Variants in KLHL29 observed in about 807,000 individuals in gnomAD.
KLHL29 encodes the protein kelch-like protein 29.
A neutral mutation model predicts 80.4 loss-of-function variants in KLHL29; 21 were observed. The observed-to-expected ratio is 0.26, with a 90% CI of 0.19 to 0.38. The LOEUF is 0.38. Among genes scored for constraint, KLHL29 ranks in the 10% least tolerant of loss-of-function variants. The pLI is 1.00. For synonymous variants in KLHL29, 511 were observed against 526.8 expected (o/e 0.97, Z 0.41); for missense variants, 867 against 1,223.9 (o/e 0.71, Z 4.35).
chr2:23,602,417 C>G (rs919219117), intron 3 of KLHL29, among the ~76,000 whole-genome samples: 1 of 152,148 alleles, frequency 6.6e-6, no homozygotes, highest in South Asian at 2.1e-4. Context: ...GCCCCAAAGG[C>G]TGGCTCTGAG....
At chr2:23,607,699 T>C (rs1011439096) in intron 3 of KLHL29, among the ~76,000 whole-genome samples, 6 of 152,144 alleles carry the variant, frequency 3.9e-5, no homozygotes, top group Non-Finnish European at 8.8e-5. Context: ...TAGATTCTCA[T>C]AGGACCGTGA....
At chr2:23,615,036 C>T (rs1315511006) in intron 3 of KLHL29, among the ~76,000 whole-genome samples, 1 of 152,208 alleles carries the variant, frequency 6.6e-6, no homozygotes, top group African/African-American at 2.4e-5. Flanking sequence ...GTCTGCTTAG[C>T]CCTCTCCCTA....
At chr2:23,615,559 A>G (rs1668983389) in intron 3 of KLHL29, among the ~76,000 whole-genome samples, 1 of 152,048 alleles carries the variant, frequency 6.6e-6, no homozygotes, top group Non-Finnish European at 1.5e-5. Flanking sequence ...ACTGCCTCTC[A>G]CGGTGGACCT....
At chr2:23,629,116 G>A (rs1227557497) in intron 3 of KLHL29, among the ~76,000 whole-genome samples, 1 of 152,226 alleles carries the variant, frequency 6.6e-6, no homozygotes, top group Non-Finnish European at 1.5e-5. Flanking sequence ...TACAAGGAAC[G>A]CGGCTGTTGG....
rs577957770 is a variant in KLHL29, at chr2:23,386,295, G to A, written c.-154+515G>A. Among the ~76,000 whole-genome samples the A allele has an allele frequency of 3.3e-4, 50 of 152,290 alleles. 1 individual carries two copies. The highest frequency in any genetic ancestry group is 3.4e-4 in the Non-Finnish European group (23 of 68,024). On this transcript the variant is annotated intron_variant, in intron 1 of 13. Transcript: ENST00000486442. ...GCGAGAAGCCAGGTTGGGGTTTTCT[G>A]CCCCTCGCGTCCTCTGATCTCGCAT...
chr2:23,656,195 C>T (rs960319091), intron 5 of KLHL29, among the ~76,000 whole-genome samples: 11 of 152,178 alleles, frequency 7.2e-5, no homozygotes, highest in African/African-American at 2.2e-4. Flanking sequence ...ATTTTGGGGC[C>T]GGAAAAGAAT....
intron 6 of KLHL29, chr2:23,690,544 C>T (rs558491531): frequency 3.9e-5 from 6 of 152,398 alleles, no homozygotes; most frequent in Admixed American, 2.6e-4. Flanking sequence ...TCCTGAGAAG[C>T]GAGTGAGTGG....
chr2:23,473,900 G>C (rs2103437037), intron 1 of KLHL29, among the ~76,000 whole-genome samples: 1 of 152,148 alleles, frequency 6.6e-6, no homozygotes, highest in African/African-American at 2.4e-5. Flanking sequence ...CTCACTGGCT[G>C]TTCCCTCTGC....
At chr2:23,549,011 A>G (rs1342816084) in intron 2 of KLHL29, among the ~76,000 whole-genome samples, 4 of 152,154 alleles carry the variant, frequency 2.6e-5, no homozygotes, top group African/African-American at 9.7e-5. Flanking sequence ...GCTGGGAGAG[A>G]GTCCAACAAG....
intron 5 of KLHL29, chr2:23,644,302 C>T (rs547065931): frequency 4.0e-5 from 6 of 151,838 alleles, no homozygotes; most frequent in Non-Finnish European, 7.4e-5. Context: ...AAGAAACTTA[C>T]TCCCAGTTCA....
At chr2:23,440,979 G>A (rs1376140607) in intron 1 of KLHL29, among the ~76,000 whole-genome samples, 2 of 152,170 alleles carry the variant, frequency 1.3e-5, no homozygotes, top group Admixed American at 6.5e-5. Context: ...CCATTACTGG[G>A]TATATACCCA....
intron 5 of KLHL29, among the ~76,000 whole-genome samples, chr2:23,661,099 G>A (rs1670393661): frequency 6.6e-6 from 1 of 152,182 alleles, no homozygotes; most frequent in African/African-American, 2.4e-5. Context: ...CCAGCACTTT[G>A]GGAGGCTGAG....
At chr2:23,442,078 G>C (rs1242256527) in intron 1 of KLHL29, among the ~76,000 whole-genome samples, 1 of 152,108 alleles carries the variant, frequency 6.6e-6, no homozygotes, top group African/African-American at 2.4e-5. Context: ...GGTGGGCTCA[G>C]TGTAATCACC....
intron 3 of KLHL29, among the ~76,000 whole-genome samples, chr2:23,568,494 C>G (rs1667643003): frequency 6.6e-6 from 1 of 152,154 alleles, no homozygotes; most frequent in African/African-American, 2.4e-5. Context: ...TGCCTCAGTC[C>G]TTTGTGGCCT....
At chr2:23,404,416 C>G (rs1250036964) in intron 1 of KLHL29, among the ~76,000 whole-genome samples, 2 of 152,162 alleles carry the variant, frequency 1.3e-5, no homozygotes, top group African/African-American at 4.8e-5. Context: ...GTTTAATGGC[C>G]TCTTAGAAAA....
chr2:23,564,789 C>G (rs1032951366), intron 3 of KLHL29, among the ~76,000 whole-genome samples: 1 of 152,216 alleles, frequency 6.6e-6, no homozygotes. Context: ...CTCTTGCCCT[C>G]GGGGAGCTCA....
chr2:23,679,336 T>A (rs1387877545), intron 5 of KLHL29, among the ~76,000 whole-genome samples: 1 of 152,226 alleles, frequency 6.6e-6, no homozygotes, highest in Non-Finnish European at 1.5e-5. Context: ...AAATGCCTCA[T>A]CTGGGACAGC....
intron 1 of KLHL29, among the ~76,000 whole-genome samples, chr2:23,432,523 C>G (rs946651409): frequency 5.9e-5 from 9 of 152,216 alleles, no homozygotes; most frequent in Non-Finnish European, 1.3e-4. Context: ...CCTTGCACTT[C>G]TGGAAAAGGG....
intron 1 of KLHL29, among the ~76,000 whole-genome samples, chr2:23,448,459 C>G (rs1663771935): frequency 1.3e-5 from 2 of 152,148 alleles, no homozygotes; most frequent in Non-Finnish European, 2.9e-5. Flanking sequence ...AAACACAAAC[C>G]TCACCAGCTA....
Sources: gnomAD v4.1 joint callset for allele counts (sites outside exome capture counted in the v4.1 genomes callset) on GRCh38, gnomAD v4.1.1 for gene constraint, MANE v1.5 for transcripts, NCBI Gene and HGNC (gene_info 2026-07-23, HGNC 2026-07-21) for gene names.